Variants in ADGRL3 observed in about 807,000 individuals in gnomAD.
ADGRL3 encodes calcium-independent alpha-latrotoxin receptor 3.
ADGRL3 carries 62 observed loss-of-function variants against 153.5 expected under a neutral mutation model. That is an observed-to-expected ratio of 0.40 (90% CI 0.33 to 0.50). The LOEUF (loss-of-function observed/expected upper bound fraction) is 0.50, where lower values mean the gene tolerates loss of function less well. ADGRL3 is among the 20% of genes least tolerant of loss of function. The pLI, the probability that ADGRL3 is intolerant of heterozygous loss-of-function variation, is 0.47. For synonymous variants in ADGRL3, 710 were observed against 672.5 expected (o/e 1.06, Z -0.86); for missense variants, 1,641 against 1,859.4 (o/e 0.88, Z 2.16).
chr4:61,933,214 T>A (rs2098824898), intron 13 of ADGRL3, among the ~76,000 whole-genome samples: 1 of 152,134 alleles, frequency 6.6e-6, no homozygotes, highest in Non-Finnish European at 1.5e-5. Flanking sequence ...AAGGAATACT[T>A]CTTTACACTG....
At chr4:61,411,623 C>T (rs2097089103) in intron 2 of ADGRL3, among the ~76,000 whole-genome samples, 2 of 152,162 alleles carry the variant, frequency 1.3e-5, no homozygotes, top group Non-Finnish European at 2.9e-5. Context: ...GCTTTACATA[C>T]AATTTTGACT....
At chr4:62,048,598 CCT>C (rs1732437418) in intron 25 of ADGRL3, among the ~76,000 whole-genome samples, 1 of 151,978 alleles carries the variant, frequency 6.6e-6, no homozygotes, top group African/African-American at 2.4e-5. Context: ...CCTCTGTCAC[CCT>C]GTTTGGAGTG....
At chr4:61,400,674 A>C (rs1008810519) in intron 2 of ADGRL3, among the ~76,000 whole-genome samples, 1 of 151,838 alleles carries the variant, frequency 6.6e-6, no homozygotes, top group African/African-American at 2.4e-5. Context: ...TTTTAATCAC[A>C]CAAGTTAGGA....
rs1463868566 is a variant in ADGRL3 at position 61,986,342 on chromosome 4, T to C, written c.3236+2739T>C. ...AATTTTTTTCTCCTTATTTGGAAAT[T>C]GTCCTGTTACTACTGAACTCATTCA... On this transcript the variant is annotated intron_variant, in intron 19 of 26. Coordinates refer to ENST00000683033, the MANE Select transcript of ADGRL3 (RefSeq NM_001387552.1). Among the ~76,000 whole-genome samples, 4 of 152,198 alleles carry C rather than the reference T, an allele frequency of 2.6e-5. No individual in the cohort carries two copies. In the East Asian group the frequency reaches 7.7e-4, roughly 29 times the overall value.
intron 18 of ADGRL3, among the ~76,000 whole-genome samples, chr4:61,982,232 T>C (rs1221747169): frequency 6.6e-6 from 1 of 152,204 alleles, no homozygotes; most frequent in African/African-American, 2.4e-5. Flanking sequence ...ACAAAACTCA[T>C]TTCTAACAAG....
At chr4:61,958,988 C>G (rs1483779157) in intron 17 of ADGRL3, among the ~76,000 whole-genome samples, 1 of 152,170 alleles carries the variant, frequency 6.6e-6, no homozygotes, top group East Asian at 1.9e-4. Context: ...TGATTGTCTT[C>G]TCTTTTAGAC....
chr4:61,512,430 G>A (rs777500378), intron 3 of ADGRL3, among the ~76,000 whole-genome samples: 2 of 151,994 alleles, frequency 1.3e-5, no homozygotes, highest in Admixed American at 1.3e-4. Flanking sequence ...TGGAGGCTTC[G>A]TCCATAGGCA....
chr4:61,343,314 T>A (rs999719063), intron 1 of ADGRL3, among the ~76,000 whole-genome samples: 2 of 152,214 alleles, frequency 1.3e-5, no homozygotes, highest in Admixed American at 1.3e-4. Context: ...TTCTCAGATA[T>A]CCTCATAATG....
At chr4:61,385,846 G>A (rs2096729475) in intron 2 of ADGRL3, 3 of 152,222 alleles carry the variant, frequency 2.0e-5, no homozygotes, top group South Asian at 2.1e-4. Context: ...GTAAAAATGT[G>A]TGTATGTATA....
At chr4:61,755,600 C>A (rs1255219513) in intron 8 of ADGRL3, among the ~76,000 whole-genome samples, 2 of 152,256 alleles carry the variant, frequency 1.3e-5, no homozygotes, top group Admixed American at 6.5e-5. Flanking sequence ...GTTTATTTTG[C>A]TGTGCAGAAG....
chr4:62,045,282 T>C (rs2151690345), intron 25 of ADGRL3, among the ~76,000 whole-genome samples: 1 of 152,034 alleles, frequency 6.6e-6, no homozygotes, highest in South Asian at 2.1e-4. Flanking sequence ...TGTGGGGATA[T>C]GATTAGAATT....
At chr4:61,924,520 A>G (rs1194785876) in intron 13 of ADGRL3, among the ~76,000 whole-genome samples, 1 of 152,162 alleles carries the variant, frequency 6.6e-6, no homozygotes, top group Admixed American at 6.6e-5. Flanking sequence ...AAACACCTCA[A>G]ACTTTCCATA....
intron 1 of ADGRL3, among the ~76,000 whole-genome samples, chr4:61,226,479 T>C (rs1748020856): frequency 1.3e-5 from 2 of 152,328 alleles, no homozygotes; most frequent in South Asian, 4.1e-4. Flanking sequence ...TGTGTGGTTA[T>C]TTTAATGTTA....
At position 61,497,155 on chromosome 4, in the gene ADGRL3, G is replaced by A; in HGVS notation, c.-139G>A. ...TTGGGATATTGGTGTTTCTGTTTTG[G>A]AGAAATTATTCTTTTTCTTTTTAAT... On this transcript the variant is annotated 5_prime_UTR_variant, in exon 3 of 27. Transcript: ENST00000683033. 2 of 601,326 alleles carry A rather than the reference G, an allele frequency of 3.3e-6. No individual in the cohort carries two copies. The highest frequency in any genetic ancestry group is 5.7e-6 in the Non-Finnish European group (2 of 348,638). 37.2% of individuals were successfully genotyped at this position (601,326 alleles called of 1,614,324 possible).
intron 9 of ADGRL3, among the ~76,000 whole-genome samples, chr4:61,848,995 G>A (rs1008179770): frequency 3.3e-5 from 5 of 152,114 alleles, no homozygotes; most frequent in Admixed American, 6.5e-5. Flanking sequence ...AAGTTAGTTC[G>A]TAACTGAATC....
At chr4:61,359,933 A>G (rs981794365) in intron 1 of ADGRL3, among the ~76,000 whole-genome samples, 1 of 151,526 alleles carries the variant, frequency 6.6e-6, no homozygotes, top group African/African-American at 2.4e-5. Flanking sequence ...GATGTTATTG[A>G]TTTTATTATT....
chr4:62,021,528 A>G (rs1014163669), intron 21 of ADGRL3, among the ~76,000 whole-genome samples: 1 of 152,086 alleles, frequency 6.6e-6, no homozygotes, highest in Non-Finnish European at 1.5e-5. Context: ...ACCTCATTTT[A>G]TTGTGCTTCT....
At chr4:61,895,691 C>A in intron 10 of ADGRL3, 40 bp from the exon 11 acceptor site, 1 of 1,087,174 alleles carries the variant, frequency 9.2e-7, no homozygotes, top group Admixed American at 2.3e-5. Flanking sequence ...TGAAGTCATT[C>A]TAAGAAAAAG....
At chr4:61,349,379 T>G (rs2095994124) in intron 1 of ADGRL3, among the ~76,000 whole-genome samples, 1 of 152,168 alleles carries the variant, frequency 6.6e-6, no homozygotes. Context: ...ATGTGTTTTT[T>G]ACTTTAAAGG....
Sources: gnomAD v4.1 joint callset for allele counts (sites outside exome capture counted in the v4.1 genomes callset) on GRCh38, gnomAD v4.1.1 for gene constraint, MANE v1.5 for transcripts, NCBI Gene and HGNC (gene_info 2026-07-23, HGNC 2026-07-21) for gene names.